Variants in CSMD2 observed in about 807,000 individuals in gnomAD.
CSMD2 encodes CUB and Sushi multiple domains 2, also known as CUB and sushi domain-containing protein 2.
In CSMD2, 130 loss-of-function variants were observed where a neutral mutation model predicts 398.5. The observed-to-expected ratio is 0.33, with a 90% CI of 0.28 to 0.38. CSMD2 has a LOEUF of 0.38. Among genes scored for constraint, CSMD2 ranks in the 10% least tolerant of loss-of-function variants. The pLI is 1.00. For missense variants in CSMD2, 3,829 were observed against 4,764.9 expected (o/e 0.80, Z 5.78); for synonymous variants, 1,828 against 1,908.5 (o/e 0.96, Z 1.10).
chr1:33,774,920 CTGTGCTAGACCCTTG>C (rs1651773149), intron 12 of CSMD2, among the ~76,000 whole-genome samples: 1 of 152,212 alleles, frequency 6.6e-6, no homozygotes, highest in African/African-American at 2.4e-5. Flanking sequence ...GTGCCAGTTG[CTGTGCTAGACCCTTG>C]ACATCTGGAT....
chr1:33,996,926 A>T (rs550251801), intron 3 of CSMD2, among the ~76,000 whole-genome samples: 4 of 152,300 alleles, frequency 2.6e-5, no homozygotes, highest in Non-Finnish European at 5.9e-5. Context: ...TTCTTTGCAC[A>T]TATTATCTCA....
At chr1:33,820,682 T>C (rs1384908609) in intron 7 of CSMD2, 126 bp from the exon 8 acceptor site, 2 of 673,168 alleles carry the variant, frequency 3.0e-6, no homozygotes, top group African/African-American at 3.6e-5. Context: ...GAGGCCCTGC[T>C]TTGTTGGGGC....
chr1:33,789,797 G>A (rs905025268), intron 11 of CSMD2, among the ~76,000 whole-genome samples: 14 of 152,308 alleles, frequency 9.2e-5, no homozygotes, highest in African/African-American at 3.1e-4. Flanking sequence ...AGCTGAGTAA[G>A]GATTGTGGCC....
At chr1:33,966,429 A>C (rs1645560333) in intron 3 of CSMD2, among the ~76,000 whole-genome samples, 1 of 152,224 alleles carries the variant, frequency 6.6e-6, no homozygotes, top group Non-Finnish European at 1.5e-5. Context: ...CTGGCATGTG[A>C]GGGAGACACT....
At chr1:33,605,247 C>T in intron 42 of CSMD2, 35 bp downstream of exon 42, 1 of 1,599,144 alleles carries the variant, frequency 6.3e-7, no homozygotes, top group South Asian at 1.1e-5. Flanking sequence ...ACGAGTACCC[C>T]AGGAAGAACT....
intron 3 of CSMD2, among the ~76,000 whole-genome samples, chr1:33,997,150 A>G (rs904428139): frequency 6.6e-6 from 1 of 152,148 alleles, no homozygotes; most frequent in Non-Finnish European, 1.5e-5. Flanking sequence ...CTATGAAGAA[A>G]CGAGAGTCGG....
chr1:34,107,694 C>T (rs554323528), intron 1 of CSMD2, among the ~76,000 whole-genome samples: 3 of 152,162 alleles, frequency 2.0e-5, no homozygotes, highest in African/African-American at 7.2e-5. Context: ...CTACAGCACT[C>T]TCATACAGCA....
intron 22 of CSMD2, among the ~76,000 whole-genome samples, chr1:33,701,928 A>G (rs1645625560): frequency 6.6e-6 from 1 of 152,244 alleles, no homozygotes; most frequent in African/African-American, 2.4e-5. Flanking sequence ...AAAGACAATC[A>G]GACACCATGT....
chr1:33,874,084 A>G (rs1640661554), intron 5 of CSMD2, among the ~76,000 whole-genome samples: 1 of 152,188 alleles, frequency 6.6e-6, no homozygotes, highest in African/African-American at 2.4e-5. Flanking sequence ...TGCCATCCCA[A>G]TGCACAGCAC....
At chr1:34,162,223 A>T (rs1032365358) in intron 1 of CSMD2, among the ~76,000 whole-genome samples, 3 of 148,644 alleles carry the variant, frequency 2.0e-5, no homozygotes, top group Non-Finnish European at 3.0e-5. Context: ...GACAGCAGGT[A>T]ATTGGTGGGA....
chr1:34,002,227 T>G (rs530491879), intron 3 of CSMD2, among the ~76,000 whole-genome samples: 3 of 152,260 alleles, frequency 2.0e-5, no homozygotes, highest in African/African-American at 7.2e-5. Flanking sequence ...TTCTGGAATG[T>G]TGAATTGTGA....
At chr1:34,087,648 A>AATAATC (rs1372065416) in intron 2 of CSMD2, among the ~76,000 whole-genome samples, 7 of 148,348 alleles carry the variant, frequency 4.7e-5, no homozygotes, top group African/African-American at 1.7e-4. Context: ...TAATAATAAT[A>AATAATC]ATAATAATAA....
intron 3 of CSMD2, among the ~76,000 whole-genome samples, chr1:33,937,120 G>A (rs1644504924): frequency 6.6e-6 from 1 of 152,202 alleles, no homozygotes; most frequent in Non-Finnish European, 1.5e-5. Context: ...ATTGTTGCAA[G>A]AATTAAGCCA....
chr1:33,707,671 G>A (rs112336297), intron 22 of CSMD2, among the ~76,000 whole-genome samples: 13 of 146,208 alleles, frequency 8.9e-5, no homozygotes, highest in African/African-American at 2.8e-4. Flanking sequence ...TTTCAAACAC[G>A]CACGCGTGCA....
intron 3 of CSMD2, among the ~76,000 whole-genome samples, chr1:34,025,739 T>C (rs1312537584): frequency 6.6e-6 from 1 of 152,150 alleles, no homozygotes; most frequent in Non-Finnish European, 1.5e-5. Flanking sequence ...TTGGCCTCAT[T>C]AGCTCCCATC....
At chr1:33,549,654 C>A (rs1422754807) in intron 56 of CSMD2, among the ~76,000 whole-genome samples, 1 of 152,166 alleles carries the variant, frequency 6.6e-6, no homozygotes, top group Non-Finnish European at 1.5e-5. Flanking sequence ...GAGAAGAAGA[C>A]TGTACCCCAC....
At chr1:33,782,400 T>C (rs1337232489) in intron 12 of CSMD2, among the ~76,000 whole-genome samples, 1 of 152,184 alleles carries the variant, frequency 6.6e-6, no homozygotes, top group Non-Finnish European at 1.5e-5. Flanking sequence ...TGCTGGGTGC[T>C]TGACTATACT....
intron 10 of CSMD2, among the ~76,000 whole-genome samples, chr1:33,806,433 C>T (rs1037323053): frequency 6.6e-6 from 1 of 152,156 alleles, no homozygotes; most frequent in Non-Finnish European, 1.5e-5. Context: ...GATGCAAACC[C>T]TCTCTGGAAG....
At chr1:34,042,082 T>A (rs1651910435) in intron 2 of CSMD2, among the ~76,000 whole-genome samples, 1 of 152,188 alleles carries the variant, frequency 6.6e-6, no homozygotes, top group African/African-American at 2.4e-5. Context: ...GAAACTCTGA[T>A]CTCAACAAAC....
Sources: allele counts gnomAD v4.1 joint callset (sites outside exome capture counted in the v4.1 genomes callset), GRCh38; gene constraint gnomAD v4.1.1; transcripts MANE v1.5; gene names NCBI Gene and HGNC (gene_info 2026-07-23, HGNC 2026-07-21).